Variants in ESYT2 observed in about 807,000 individuals in gnomAD.
ESYT2 encodes the protein extended synaptotagmin-2.
ESYT2 carries 54 observed loss-of-function variants against 107.2 expected under a neutral mutation model. The observed-to-expected ratio is 0.50, with a 90% CI of 0.40 to 0.63. The LOEUF (loss-of-function observed/expected upper bound fraction) is 0.63, where lower values mean the gene tolerates loss of function less well. Among genes scored for constraint, ESYT2 ranks in the 30% least tolerant of loss-of-function variants. ESYT2 has a pLI of 0.00. For missense variants in ESYT2, 1,020 were observed against 1,094.5 expected (o/e 0.93, Z 0.96); for synonymous variants, 491 against 434.1 (o/e 1.13, Z -1.63).
chr7:158,745,327 G>A (rs538245294), intron 16 of ESYT2, among the ~76,000 whole-genome samples: 3 of 151,952 alleles, frequency 2.0e-5, no homozygotes, highest in African/African-American at 7.3e-5. Context: ...AGGCCTGGCT[G>A]TTCACACACA....
chr7:158,738,238 A>G (rs13228376), intron 19 of ESYT2, among the ~76,000 whole-genome samples: 35,214 of 149,916 alleles, frequency 0.23, 4,960 homozygotes, highest in East Asian at 0.59. Context: ...CTTGAACCCA[A>G]GAAGCGGAAG....
intron 1 of ESYT2, among the ~76,000 whole-genome samples, chr7:158,807,922 G>T (rs574205685): frequency 6.6e-6 from 1 of 152,328 alleles, no homozygotes; most frequent in Admixed American, 6.5e-5. Flanking sequence ...CTTGCTGCCC[G>T]CTGAGAGGGA....
intron 1 of ESYT2, among the ~76,000 whole-genome samples, chr7:158,799,328 C>T (rs1021985111): frequency 2.6e-5 from 4 of 152,166 alleles, no homozygotes; most frequent in African/African-American, 7.2e-5. Flanking sequence ...TTCTCTGCAC[C>T]CCACTGTCCA....
At chr7:158,809,346 T>G (rs572994192) in intron 1 of ESYT2, among the ~76,000 whole-genome samples, 180 of 151,500 alleles carry the variant, frequency 1.2e-3, no homozygotes, top group Middle Eastern at 6.8e-3. Context: ...CGTGGTGGCG[T>G]GCATCTGTAG....
chr7:158,790,725 T>C (rs984965488), intron 4 of ESYT2, among the ~76,000 whole-genome samples: 8 of 152,098 alleles, frequency 5.3e-5, no homozygotes, highest in African/African-American at 1.9e-4. Context: ...TCAGGAGTTT[T>C]AGACCAGCCT....
chr7:158,753,927 G>A (rs1421125984), intron 13 of ESYT2, among the ~76,000 whole-genome samples: 1 of 152,140 alleles, frequency 6.6e-6, no homozygotes, highest in Non-Finnish European at 1.5e-5. Flanking sequence ...CTCACTTTTG[G>A]ATAGATATGG....
chr7:158,768,573 C>T (rs1233453540), intron 7 of ESYT2, among the ~76,000 whole-genome samples: 2 of 152,202 alleles, frequency 1.3e-5, no homozygotes, highest in Non-Finnish European at 2.9e-5. Context: ...GCGCGCACCA[C>T]CACGCCTGGC....
At chr7:158,819,957 C>A (rs1009762382) in intron 1 of ESYT2, among the ~76,000 whole-genome samples, 3 of 152,008 alleles carry the variant, frequency 2.0e-5, no homozygotes, top group African/African-American at 7.3e-5. Flanking sequence ...AATTCCAGCA[C>A]GCAATCACCA....
intron 1 of ESYT2, among the ~76,000 whole-genome samples, chr7:158,802,252 T>C (rs1416138563): frequency 6.6e-6 from 1 of 152,246 alleles, no homozygotes; most frequent in Non-Finnish European, 1.5e-5. Context: ...TGCACAGGAT[T>C]TTATTGTTCA....
chr7:158,743,553 G>A lies in ESYT2; in HGVS notation c.1770C>T (p.Thr590=). ...CCCGCAGGGCAATCTTCATCTTGATGGTGCTGTTTGGACCCGAGTTACTGA... is the reference window on the plus strand; with the variant it reads ...CCCGCAGGGCAATCTTCATCTTGATAGTGCTGTTTGGACCCGAGTTACTGA... ...FQLSNSGPNS[T]IKMKIALRVL... Residue 590 remains threonine (T), a synonymous_variant, in exon 17 of 23, where the codon ACC becomes ACT. Coordinates refer to ENST00000275418, the MANE Select transcript of ESYT2 (RefSeq NM_001367773.1). 1 of 1,612,274 alleles carries A rather than the reference G, an allele frequency of 6.2e-7. No individual in the cohort carries two copies. The highest frequency in any genetic ancestry group is 8.5e-7 in the Non-Finnish European group (1 of 1,179,438).
chr7:158,824,971 G>A (rs1840396888), intron 1 of ESYT2, among the ~76,000 whole-genome samples: 1 of 152,098 alleles, frequency 6.6e-6, no homozygotes, highest in Non-Finnish European at 1.5e-5. Context: ...TCAAGCCTGG[G>A]GAACACAGCG....
intron 4 of ESYT2, among the ~76,000 whole-genome samples, chr7:158,792,001 C>G (rs1839307602): frequency 6.6e-6 from 1 of 151,986 alleles, no homozygotes; most frequent in Non-Finnish European, 1.5e-5. Context: ...TAGTTTATTC[C>G]TAAGTATTTT....
chr7:158,763,141 G>T lies in ESYT2; in HGVS notation c.1126C>A (p.Gln376Lys), dbSNP rs779048884. The T allele has an allele frequency of 1.2e-4, 189 of 1,612,764 alleles. 2 individuals are homozygous for T. The East Asian group carries it at 4.2e-3, about 36-fold the overall frequency. Residue 376 changes from glutamine (Q) to lysine (K), a missense_variant, in exon 10 of 23, where the codon CAA becomes AAA. Transcript: ENST00000275418. Reference protein sequence around the residue: ...YEALVYEHPGQELEIELFDED... With the variant: ...YEALVYEHPGKELEIELFDED... ...TCAAAGAGCTCAATCTCTAATTCTT[G>T]TCCAGGATGTTCATACACTAAAGCC... is the stretch of plus-strand genomic sequence containing the variant.
chr7:158,778,448 GA>G (rs1563646094), intron 6 of ESYT2, among the ~76,000 whole-genome samples: 1 of 145,878 alleles, frequency 6.9e-6, no homozygotes, highest in African/African-American at 2.5e-5. Context: ...TTGTATTATG[GA>G]TAAAAATGTA....
intron 15 of ESYT2, 24 bp downstream of exon 15, chr7:158,749,625 C>CT: frequency 6.2e-7 from 1 of 1,613,002 alleles, no homozygotes; most frequent in Non-Finnish European, 8.5e-7. Context: ...GGCACCAAGG[C>CT]TGAGTCCAGG....
At chr7:158,763,407 G>A (rs897422589) in intron 9 of ESYT2, among the ~76,000 whole-genome samples, 2 of 152,040 alleles carry the variant, frequency 1.3e-5, no homozygotes, top group African/African-American at 4.8e-5. Flanking sequence ...CGATTCTCCT[G>A]CCTCAGCCTC....
chr7:158,791,181 C>T (rs80057747), intron 4 of ESYT2, among the ~76,000 whole-genome samples: 9 of 152,326 alleles, frequency 5.9e-5, no homozygotes, highest in African/African-American at 2.2e-4. Flanking sequence ...AAACCTCACA[C>T]AAGTGCAATT....
intron 2 of ESYT2, 73 bp from the exon 3 acceptor site, chr7:158,798,149 A>C: frequency 6.6e-7 from 1 of 1,524,340 alleles, no homozygotes; most frequent in South Asian, 1.2e-5. Flanking sequence ...CTCGTGAGAA[A>C]CCCTCGCAAC....
At chr7:158,778,819 C>G (rs1838662329) in intron 6 of ESYT2, among the ~76,000 whole-genome samples, 1 of 150,936 alleles carries the variant, frequency 6.6e-6, no homozygotes, top group Non-Finnish European at 1.5e-5. Context: ...GTAAAAACGA[C>G]ATCACACCGT....
Sources: allele counts gnomAD v4.1 joint callset (sites outside exome capture counted in the v4.1 genomes callset), GRCh38; gene constraint gnomAD v4.1.1; transcripts MANE v1.5; gene names NCBI Gene and HGNC (gene_info 2026-07-23, HGNC 2026-07-21).